Variants in OR2B11 observed in about 807,000 individuals in gnomAD.
OR2B11 encodes the protein olfactory receptor family 2 subfamily B member 11.
For synonymous variants in OR2B11, 198 were observed against 174.5 expected (o/e 1.13, Z -1.06); for missense variants, 422 against 400.0 (o/e 1.05, Z -0.47).
chr1:247,456,765 C>T (rs12756328), intron 1 of OR2B11, among the ~76,000 whole-genome samples: 1 of 152,072 alleles, frequency 6.6e-6, no homozygotes, highest in East Asian at 1.9e-4. Context: ...CCCCTAGCCC[C>T]CACTCCCTGA....
At position 247,452,289 on chromosome 1, in the gene OR2B11, G is replaced by A. The variant is rs1162980106; in HGVS notation, c.-307C>T. 2.0e-5 allele frequency: 7 copies of A among 345,098 alleles called. No homozygotes were observed. Among genetic ancestry groups the A allele is most frequent in the African/African-American group, 1.2e-4 (6 of 48,806 alleles). The allele number at this position is 345,098 out of a possible 1,614,324, so 21.4% of individuals were successfully genotyped here. ...TACCTCCTTCAATTGCCAAGACTTG[G>A]GGACGATAGAGACATTAAGTATGTG... On this transcript the variant is annotated 5_prime_UTR_variant, in exon 2 of 2. Transcript: ENST00000641149.
Position 247,451,524 on chromosome 1 carries a change from C to G in OR2B11, c.459G>C (p.Trp153Cys), listed in dbSNP as rs1303350297. 1 of 1,614,198 alleles carries G rather than the reference C, an allele frequency of 6.2e-7. No individual in the cohort carries two copies. The highest frequency in any genetic ancestry group is 1.7e-5 in the Admixed American group (1 of 60,028). Residue 153 changes from tryptophan to cysteine, a missense_variant, in exon 2 of 2, where the codon TGG becomes TGC. Trp to Cys is a radical substitution (Grantham distance 215). Coordinates refer to ENST00000641149, the MANE Select transcript of OR2B11 (RefSeq NM_001004492.2). ...CGAAGGAGTTGCCGAAGCCACTGAG[C>G]CAGGCCAGAGCCACGAGCTGCTGAC... ...ALCQQLVALAWLSGFGNSFVQ... is the reference protein window; with the variant it reads ...ALCQQLVALACLSGFGNSFVQ...
In OR2B11 at chr1:247,454,195, A is replaced by ACG. The variant is rs1553295322; in HGVS notation, c.-2214_-2213insCG. On this transcript the variant is annotated 5_prime_UTR_variant, in exon 2 of 2. It introduces an in-frame stop codon into an upstream open reading frame of the 5' UTR. Transcript: ENST00000641149. The stretch of plus-strand genomic sequence containing the variant: ...CACGTGCACACGCACACACACACAC[A>ACG]CACACACACACGCACACACACACGG... 9,042 of 152,280 alleles carry ACG rather than the reference A, an allele frequency of 0.059. 817 individuals carry two copies. Among genetic ancestry groups the ACG allele is most frequent in the African/African-American group, 0.2 (8,161 of 41,410 alleles). The allele number at this position is 152,280 out of a possible 1,614,324, so 9.4% of individuals were successfully genotyped here.
At chr1:247,456,624 A>G (rs75490542) in intron 1 of OR2B11, among the ~76,000 whole-genome samples, 4 of 142,244 alleles carry the variant, frequency 2.8e-5, no homozygotes, top group Non-Finnish European at 6.1e-5. Context: ...TTTTTTTTTA[A>G]TTATAGTTTA....
rs1171705286 is a variant in OR2B11, at chr1:247,451,269, T to C, written c.714A>G (p.Arg238=). Residue 238 remains arginine (R), a synonymous_variant, in exon 2 of 2, where the codon CGA becomes CGG. Coordinates refer to ENST00000641149, the MANE Select transcript of OR2B11 (RefSeq NM_001004492.2). ...AGGAACACGTCCCAAAGGCCTTGTG[T>C]CGTCCCTTGGAGGACTGGATCCTGA... The part of the protein sequence containing the change: ...AVLRIQSSKG[R]HKAFGTCSSH... 1.2e-6 allele frequency: 2 copies of C among 1,613,778 alleles called. No homozygotes were observed. Among genetic ancestry groups the C allele is most frequent in the Non-Finnish European group, 1.7e-6 (2 of 1,179,770 alleles).
rs1163505161 is a variant in OR2B11 at position 247,453,120 on chromosome 1, ATAAT to A, written c.-1142_-1139del. The A allele has an allele frequency of 3.3e-5, 5 of 152,208 alleles. No homozygotes were observed. Among genetic ancestry groups the A allele is most frequent in the South Asian group, 2.1e-4 (1 of 4,836 alleles). The allele number at this position is 152,208 out of a possible 1,614,324, so 9.4% of individuals were successfully genotyped here. ...GATTGAAAAATATTATTAATAAACA[ATAAT>A]TAATTAATCATTATTCATAATAAAT... On this transcript the variant is annotated 5_prime_UTR_variant, in exon 2 of 2. The change abolishes the stop of an existing upstream ORF in the 5' untranslated region. Transcript: ENST00000641149.
intron 1 of OR2B11, among the ~76,000 whole-genome samples, chr1:247,456,431 G>C (rs191778352): frequency 6.6e-6 from 1 of 152,258 alleles, no homozygotes; most frequent in African/African-American, 2.4e-5. Context: ...ACAGGCGTGA[G>C]CCACCTCACC....
In OR2B11 at chr1:247,454,045, G is replaced by C. The variant is rs539362643; in HGVS notation, c.-2063C>G. On this transcript the variant is annotated 5_prime_UTR_variant, in exon 2 of 2. Coordinates refer to ENST00000641149, the MANE Select transcript of OR2B11 (RefSeq NM_001004492.2). ...TGAGACAAAAGAAGTTCCTGGGAAG[G>C]GGAGATGAGGGAGAGGAAGGTCACA... 1 of 152,326 alleles carries C rather than the reference G, an allele frequency of 6.6e-6. No homozygotes were observed. The highest frequency in any genetic ancestry group is 1.5e-5 in the Non-Finnish European group (1 of 68,066). The allele number at this position is 152,326 out of a possible 1,614,324, so 9.4% of individuals were successfully genotyped here. A position where few individuals can be genotyped will look rare whatever the true frequency, so the allele number is the denominator to read the frequency against.
At chr1:247,456,136 G>A (rs72655373) in intron 1 of OR2B11, among the ~76,000 whole-genome samples, 14,151 of 152,172 alleles carry the variant, frequency 0.093, 789 homozygotes, top group Non-Finnish European at 0.12. Flanking sequence ...GAGAGGTTCA[G>A]AAAGATTAAG....
In OR2B11 at chr1:247,453,017, T is replaced by C. The variant is rs4362022; in HGVS notation, c.-1035A>G. On this transcript the variant is annotated 5_prime_UTR_variant, in exon 2 of 2. An upstream start codon of the reference 5' UTR is lost. Transcript: ENST00000641149. ...TTCGTGGGTCCTTTCGACTGCACCATTGGCTTCTCACCTCCTACAATCGCT... is the reference window on the plus strand; with the variant it reads ...TTCGTGGGTCCTTTCGACTGCACCACTGGCTTCTCACCTCCTACAATCGCT... 22,424 of 152,210 alleles carry C rather than the reference T, an allele frequency of 0.15. 2,279 individuals are homozygous for C. Among genetic ancestry groups the C allele is most frequent in the East Asian group, 0.42 (2,168 of 5,172 alleles). 9.4% of individuals were successfully genotyped at this position (152,210 alleles called of 1,614,324 possible).
rs1373025186 is a variant in OR2B11 at position 247,451,733 on chromosome 1, G to A, written c.250C>T (p.Gln84Ter). The A allele has an allele frequency of 1.2e-6, 2 of 1,614,092 alleles. No individual in the cohort carries two copies. Among genetic ancestry groups the A allele is most frequent in the African/African-American group, 2.7e-5 (2 of 74,950 alleles). ...DLCYTTTTVP[Q>*]MLVNMGSSQK... ...GAACTGCCCATGTTGACCAGCATCT[G>A]AGGGACTGTCGTGGTGGTGTAGCAG... Residue 84 changes from glutamine (Q) to a stop codon, truncating the protein, a stop_gained, in exon 2 of 2, where the codon CAG (glutamine) becomes TAG (stop). Transcript: ENST00000641149. LOFTEE classifies it low-confidence loss of function (END_TRUNC).
In OR2B11 at chr1:247,450,462, A is replaced by G. The variant is rs1664819405; in HGVS notation, c.*567T>C. ...CCACAATGTTTTCCATCGTGGTTGT[A>G]CTAGTGTTTGTACTAGTTTACATTT... is the stretch of plus-strand genomic sequence containing the variant. On this transcript the variant is annotated 3_prime_UTR_variant, in exon 2 of 2. Transcript: ENST00000641149. The G allele has an allele frequency of 6.6e-6, 1 of 152,222 alleles. No individual in the cohort carries two copies. The highest frequency in any genetic ancestry group is 2.4e-5 in the African/African-American group (1 of 41,452). 9.4% of individuals were successfully genotyped at this position (152,222 alleles called of 1,614,324 possible).
chr1:247,457,404 G>A (rs919485065), intron 1 of OR2B11, among the ~76,000 whole-genome samples: 1 of 152,148 alleles, frequency 6.6e-6, no homozygotes, highest in Non-Finnish European at 1.5e-5. Context: ...CAGACAGCGT[G>A]CCTACCTCCA....
rs12065526 is a variant in OR2B11 at position 247,451,105 on chromosome 1, G to A, written c.878C>T (p.Thr293Ile). 0.14 allele frequency: 205,971 copies of A among 1,512,254 alleles called. 15,196 individuals carry two copies. Among genetic ancestry groups the A allele is most frequent in the African/African-American group, 0.2 (14,391 of 71,550 alleles). The allele number at this position is 1,512,254 out of a possible 1,614,324, so 93.7% of individuals were successfully genotyped here. A position where few individuals can be genotyped will look rare whatever the true frequency, so the allele number is the denominator to read the frequency against. Residue 293 changes from threonine (T) to isoleucine (I), a missense_variant, in exon 2 of 2, where the codon ACC becomes ATC. Coordinates refer to ENST00000641149, the MANE Select transcript of OR2B11 (RefSeq NM_001004492.2). ...SIITPTLNPF[T>I]YTLRNKDMKG... ...CATATCTTTATTTCTCAGGGTGTAG[G>A]TGAAGGGATTGAGAGTGGGGGTGAT...
At position 247,449,776 on chromosome 1, in the gene OR2B11, A is replaced by G. The variant is rs1437276923; in HGVS notation, c.*1253T>C. On this transcript the variant is annotated 3_prime_UTR_variant, in exon 2 of 2. Transcript: ENST00000641149. ...CACCAACTGGAGACTGGGTTTCTGC[A>G]TCTTGGTGAACTATTACCGACTGCC... 3.3e-5 allele frequency: 5 copies of G among 152,178 alleles called. No homozygotes were observed. The highest frequency in any genetic ancestry group is 1.9e-4 in the East Asian group (1 of 5,200). The allele number at this position is 152,178 out of a possible 1,614,324, so 9.4% of individuals were successfully genotyped here.
Position 247,452,314 on chromosome 1 carries a change from GAGA to G in OR2B11, c.-335_-333del, listed in dbSNP as rs1167238905. On this transcript the variant is annotated 5_prime_UTR_variant, in exon 2 of 2. Transcript: ENST00000641149. The stretch of plus-strand genomic sequence containing the variant: ...GGGACGATAGAGACATTAAGTATGT[GAGA>G]AGAATACCTCACGAATGACAATTAT... 2 of 284,338 alleles carry G rather than the reference GAGA, an allele frequency of 7.0e-6. No homozygotes were observed. Among genetic ancestry groups the G allele is most frequent in the East Asian group, 7.3e-5 (1 of 13,632 alleles). The allele number at this position is 284,338 out of a possible 1,614,324, so 17.6% of individuals were successfully genotyped here.
At chr1:247,455,965 CTAATTTTTCATAACACTT>C (rs1664957695) in intron 1 of OR2B11, among the ~76,000 whole-genome samples, 1 of 152,164 alleles carries the variant, frequency 6.6e-6, no homozygotes, top group South Asian at 2.1e-4. Flanking sequence ...GATCTGAGGT[CTAATTTTTCATAACACTT>C]TAATTTGAAA....
At position 247,452,017 on chromosome 1, in the gene OR2B11, G is replaced by C. The variant is rs1311324530; in HGVS notation, c.-35C>G. ...TTTTCTGGCACTTGTGGCAAATTGA[G>C]AAAATTGGAATGAATAATACCTGAG... On this transcript the variant is annotated 5_prime_UTR_variant, in exon 2 of 2. Coordinates refer to ENST00000641149, the MANE Select transcript of OR2B11 (RefSeq NM_001004492.2). The C allele has an allele frequency of 2.3e-6, 3 of 1,311,492 alleles. No individual in the cohort carries two copies. The highest frequency in any genetic ancestry group is 3.7e-4 in the Middle Eastern group (2 of 5,452). 81.2% of individuals were successfully genotyped at this position (1,311,492 alleles called of 1,614,324 possible).
Position 247,451,222 on chromosome 1 carries a change from A to C in OR2B11, c.761T>G (p.Leu254Arg). The stretch of plus-strand genomic sequence containing the variant: ...CATGTAAATCGCAGGTAGGTAGAAG[A>C]GGGAGACGATCATCAGGTGGGAGGA... ...TCSSHLMIVS[L>R]FYLPAIYMYL... Residue 254 changes from leucine (L) to arginine (R), a missense_variant, in exon 2 of 2, where the codon CTC becomes CGC. By Grantham distance (102) the Leu-to-Arg change is moderately radical. Coordinates refer to ENST00000641149, the MANE Select transcript of OR2B11 (RefSeq NM_001004492.2). 1 of 1,597,896 alleles carries C rather than the reference A, an allele frequency of 6.3e-7. No homozygotes were observed. The highest frequency in any genetic ancestry group is 8.6e-7 in the Non-Finnish European group (1 of 1,169,050).
Sources: gnomAD v4.1 joint callset for allele counts (sites outside exome capture counted in the v4.1 genomes callset) on GRCh38, gnomAD v4.1.1 for gene constraint, MANE v1.5 for transcripts, NCBI Gene and HGNC (gene_info 2026-07-23, HGNC 2026-07-21) for gene names.